The following PLEKHA8 variants were observed in gnomAD, a reference collection of about 807,000 sequenced individuals.
The protein encoded by PLEKHA8 is pleckstrin homology domain-containing family A member 8.
PLEKHA8 carries 36 observed loss-of-function variants against 68.2 expected under a neutral mutation model. That is an observed-to-expected ratio of 0.53 (90% CI 0.40 to 0.70). The LOEUF (loss-of-function observed/expected upper bound fraction) is 0.70, where lower values mean the gene tolerates loss of function less well. Ranked by LOEUF, PLEKHA8 falls within the 30% of genes least tolerant of loss-of-function variation. The pLI, the probability that PLEKHA8 is intolerant of heterozygous loss-of-function variation, is 0.00. For synonymous variants in PLEKHA8, 211 were observed against 216.1 expected, an observed-to-expected ratio of 0.98 and a Z score of 0.20; for missense variants, 505 against 615.4, an observed-to-expected ratio of 0.82 and a Z score of 1.90.
In PLEKHA8 at chr7:30,047,936, A is replaced by G. The variant is rs1792087349; in HGVS notation, c.418A>G (p.Thr140Ala). ...QVDKTKEVTT[T>A]GVSNSEEGID... ...AGATAAAACAAAAGAAGTGACCACA[A>G]CTGGTGTGTCCAATTCTGAGGTAAA... The change falls in exon 4 of 14, where the codon ACT becomes GCT. Residue 140 changes from threonine (T) to alanine (A), a missense_variant. Transcript: ENST00000449726. 23 of 1,577,802 alleles carry G rather than the reference A, an allele frequency of 1.5e-5. No homozygotes were observed. Among genetic ancestry groups the G allele is most frequent in the Non-Finnish European group, 2.0e-5 (23 of 1,158,434 alleles).
At chr7:30,105,313 A>T (rs1047392160) in intron 13 of PLEKHA8, among the ~76,000 whole-genome samples, 5 of 57,062 alleles carry the variant, frequency 8.8e-5, no homozygotes, top group Admixed American at 1.7e-4. Context: ...TCTATAATTA[A>T]AAAAAAAAAA....
intron 13 of PLEKHA8, among the ~76,000 whole-genome samples, chr7:30,099,120 T>C (rs1795750519): frequency 6.6e-6 from 1 of 152,204 alleles, no homozygotes; most frequent in Non-Finnish European, 1.5e-5. Flanking sequence ...TATCTCAAAT[T>C]TCAGAAAACA....
chr7:30,104,659 A>G (rs1209606418), intron 13 of PLEKHA8, among the ~76,000 whole-genome samples: 1 of 151,848 alleles, frequency 6.6e-6, no homozygotes, highest in Non-Finnish European at 1.5e-5. Flanking sequence ...AGAAATCATA[A>G]CATTGGTTGC....
At chr7:30,104,397 C>G (rs1259708655) in intron 13 of PLEKHA8, among the ~76,000 whole-genome samples, 1 of 152,172 alleles carries the variant, frequency 6.6e-6, no homozygotes, top group African/African-American at 2.4e-5. Context: ...TTCTGCCTAT[C>G]TGTTGATAGG....
intron 3 of PLEKHA8, among the ~76,000 whole-genome samples, chr7:30,047,442 A>G (rs1792046152): frequency 6.6e-6 from 1 of 152,154 alleles, no homozygotes; most frequent in Admixed American, 6.5e-5. Flanking sequence ...CTGCATTAGT[A>G]AGTAAACAGC....
chr7:30,052,603 G>T (rs1458495243), intron 6 of PLEKHA8, 106 bp from the exon 7 acceptor site: 26 of 959,630 alleles, frequency 2.7e-5, no homozygotes, highest in Non-Finnish European at 3.8e-5. Flanking sequence ...TTGTGCCACT[G>T]TACTGCAGCC....
chr7:30,082,333 T>G lies in PLEKHA8; in HGVS notation c.*3546T>G, dbSNP rs57802735. 2.0e-6 allele frequency: 2 copies of G among 985,372 alleles called. No homozygotes were observed. Among genetic ancestry groups the G allele is most frequent in the Admixed American group, 1.2e-4 (2 of 16,242 alleles). The allele number at this position is 985,372 out of a possible 1,614,324, so 61.0% of individuals were successfully genotyped here. Reference sequence around the variant, plus strand: ...AGCACACCAAATCTACCCCCACTTATGTTTGTTCTGCCCCATTTCCCAGGA... The same window carrying G: ...AGCACACCAAATCTACCCCCACTTAGGTTTGTTCTGCCCCATTTCCCAGGA... On this transcript the variant is annotated 3_prime_UTR_variant, in exon 14 of 14. Coordinates refer to ENST00000449726, the MANE Select transcript of PLEKHA8 (RefSeq NM_001197026.2).
intron 13 of PLEKHA8, among the ~76,000 whole-genome samples, chr7:30,108,717 A>T (rs1036209373): frequency 6.6e-6 from 1 of 152,186 alleles, no homozygotes; most frequent in Non-Finnish European, 1.5e-5. Flanking sequence ...TCTGGACAAG[A>T]TGCCTGCTAG....
rs1338746780 is a variant in PLEKHA8, at chr7:30,083,641, G to T, written c.*4854G>T. 1 of 985,038 alleles carries T rather than the reference G, an allele frequency of 1.0e-6. No individual in the cohort carries two copies. The highest frequency in any genetic ancestry group is 1.2e-6 in the Non-Finnish European group (1 of 829,838). The allele number at this position is 985,038 out of a possible 1,614,324, so 61.0% of individuals were successfully genotyped here. A position where few individuals can be genotyped will look rare whatever the true frequency, so the allele number is the denominator to read the frequency against. ...GTTTTTATATAGCCTTTAATTAAAA[G>T]GAAAAAAATACCACTACTCTGCAAT... On this transcript the variant is annotated 3_prime_UTR_variant, in exon 14 of 14. Coordinates refer to ENST00000449726, the MANE Select transcript of PLEKHA8 (RefSeq NM_001197026.2).
intron 12 of PLEKHA8, among the ~76,000 whole-genome samples, chr7:30,067,283 A>T (rs547507596): frequency 6.6e-6 from 1 of 152,332 alleles, no homozygotes; most frequent in African/African-American, 2.4e-5. Context: ...CAGCCTGGGC[A>T]ACATGGCGAA....
chr7:30,054,578 T>C (rs1792676815), intron 7 of PLEKHA8, 131 bp from the exon 8 acceptor site: 1 of 532,416 alleles, frequency 1.9e-6, no homozygotes, highest in Non-Finnish European at 2.9e-6. Context: ...TATGTTTATG[T>C]ATATGTGAAT....
chr7:30,061,488 A>G (rs1307882673), intron 10 of PLEKHA8, among the ~76,000 whole-genome samples: 1 of 152,172 alleles, frequency 6.6e-6, no homozygotes, highest in Non-Finnish European at 1.5e-5. Flanking sequence ...CTTTTTTGTC[A>G]TTGGAGACTA....
intron 13 of PLEKHA8, chr7:30,115,874 A>C (rs542089525): frequency 1.4e-5 from 2 of 144,244 alleles, no homozygotes; most frequent in East Asian, 2.1e-4. Flanking sequence ...ACATACATGT[A>C]GGCACGCATA....
intron 9 of PLEKHA8, among the ~76,000 whole-genome samples, chr7:30,060,052 G>T (rs543745047): frequency 5.3e-5 from 8 of 152,008 alleles, no homozygotes; most frequent in Non-Finnish European, 8.8e-5. Context: ...CAGGAGAATC[G>T]CTTGAACCAG....
chr7:30,056,282 C>CTCTT (rs1792862711), intron 9 of PLEKHA8, among the ~76,000 whole-genome samples: 2 of 56,928 alleles, frequency 3.5e-5, no homozygotes, highest in Non-Finnish European at 7.4e-5. Context: ...GATATATTCT[C>CTCTT]TCTCTCTCTC....
At chr7:30,055,469 CCAGACACAT>C in intron 9 of PLEKHA8, 127 bp downstream of exon 9, 1 of 775,432 alleles carries the variant, frequency 1.3e-6, no homozygotes, top group Non-Finnish European at 2.3e-6. Flanking sequence ...GTTCAAATCA[CCAGACACAT>C]ACAGTTAAAA....
At chr7:30,040,450 C>T (rs1169258166) in intron 1 of PLEKHA8, among the ~76,000 whole-genome samples, 1 of 152,208 alleles carries the variant, frequency 6.6e-6, no homozygotes, top group African/African-American at 2.4e-5. Flanking sequence ...TTCTTTATGC[C>T]TTTCCCCAGT....
chr7:30,095,902 G>A (rs1583464216), intron 13 of PLEKHA8, among the ~76,000 whole-genome samples: 1 of 152,158 alleles, frequency 6.6e-6, no homozygotes. Context: ...TTTGGTACCA[G>A]TACCATGCTG....
intron 9 of PLEKHA8, among the ~76,000 whole-genome samples, chr7:30,056,785 G>GTGTGTA (rs1399727079): frequency 4.9e-5 from 4 of 82,352 alleles, no homozygotes; most frequent in Non-Finnish European, 9.9e-5. Context: ...GTGTGTGTGT[G>GTGTGTA]TATATATATA....
Sources: allele counts gnomAD v4.1 joint callset (sites outside exome capture counted in the v4.1 genomes callset), GRCh38; gene constraint gnomAD v4.1.1; transcripts MANE v1.5; gene names NCBI Gene and HGNC (gene_info 2026-07-23, HGNC 2026-07-21).